The following TMEM260 variants were observed in gnomAD, a reference collection of about 807,000 sequenced individuals.
The protein encoded by TMEM260 is protein O-mannosyl-transferase TMEM260.
TMEM260 carries 82 observed loss-of-function variants against 88.9 expected under a neutral mutation model. The observed-to-expected ratio is 0.92, with a 90% CI of 0.77 to 1.11. The LOEUF (loss-of-function observed/expected upper bound fraction) is 1.11. Ranked by LOEUF, TMEM260 falls within the 50% of genes least tolerant of loss-of-function variation. TMEM260 has a pLI of 0.00. For missense variants in TMEM260, 902 were observed against 853.4 expected (o/e 1.06, Z -0.71); for synonymous variants, 314 against 309.3 (o/e 1.02, Z -0.16).
intron 15 of TMEM260, 80 bp downstream of exon 15, chr14:56,636,678 T>TATCAC: frequency 2.5e-6 from 3 of 1,210,826 alleles, no homozygotes; most frequent in Non-Finnish European, 3.6e-6. Flanking sequence ...ATAGAGGGTA[T>TATCAC]ATCACATTAG....
At chr14:56,610,617 A>G (rs1189329988) in intron 6 of TMEM260, among the ~76,000 whole-genome samples, 1 of 152,184 alleles carries the variant, frequency 6.6e-6, no homozygotes, top group African/African-American at 2.4e-5. Context: ...AAGATGTATT[A>G]TATATGTTTT....
chr14:56,585,707 G>A, intron 2 of TMEM260, 54 bp from the exon 3 acceptor site: 1 of 1,565,326 alleles, frequency 6.4e-7, no homozygotes, highest in Non-Finnish European at 8.7e-7. Context: ...AAGGCCTGTG[G>A]GACTCTTCCT....
chr14:56,596,404 GTGTA>G (rs1301519364), intron 3 of TMEM260, among the ~76,000 whole-genome samples: 16 of 127,072 alleles, frequency 1.3e-4, no homozygotes, highest in African/African-American at 3.7e-4. Flanking sequence ...GTGTGTGTGT[GTGTA>G]TATATATATA....
intron 4 of TMEM260, 52 bp downstream of exon 4, chr14:56,604,044 G>C (rs1351221375): frequency 6.7e-7 from 1 of 1,489,160 alleles, no homozygotes; most frequent in Non-Finnish European, 8.9e-7. Context: ...TTTTTAGACA[G>C]ATGTATTTCT....
chr14:56,600,974 C>T (rs1219757164), intron 3 of TMEM260, among the ~76,000 whole-genome samples: 1 of 152,124 alleles, frequency 6.6e-6, no homozygotes, highest in Non-Finnish European at 1.5e-5. Flanking sequence ...ACATGGATTG[C>T]AACATCATCT....
At chr14:56,662,998 C>T in the TMEM260 span, among the ~76,000 whole-genome samples, 1 of 152,104 alleles carries the variant, frequency 6.6e-6, no homozygotes, top group African/African-American at 2.4e-5. Context: ...CGTGGTGGCA[C>T]ATGCCTGTAA....
the TMEM260 span, among the ~76,000 whole-genome samples, chr14:56,656,744 C>T: frequency 2.0e-5 from 3 of 151,842 alleles, no homozygotes; most frequent in Admixed American, 6.6e-5. Flanking sequence ...AAATAAATTA[C>T]AATGATAATT....
At position 56,618,579 on chromosome 14, in the gene TMEM260, A is replaced by G. The variant is rs748540718; in HGVS notation, c.1057-15A>G. 6 of 1,612,474 alleles carry G rather than the reference A, an allele frequency of 3.7e-6. 1 individual carries two copies. The highest frequency in any genetic ancestry group is 3.3e-5 in the South Asian group (3 of 90,678). On this transcript the variant is annotated splice_polypyrimidine_tract_variant and intron_variant, in intron 9 of 15. Coordinates refer to ENST00000261556, the MANE Select transcript of TMEM260 (RefSeq NM_017799.4). ...ATAGTCAACTGGACCCACTGGTTGC[A>G]TGTCTCTTTCACAGGTGGAACGATT...
Position 56,635,035 on chromosome 14 carries a change from A to AGGGGTGAGTAGTGATAATAAAAAT in TMEM260, c.1778+84_1778+107dup, listed in dbSNP as rs1555340614. 47 of 1,153,282 alleles carry AGGGGTGAGTAGTGATAATAAAAAT rather than the reference A, an allele frequency of 4.1e-5. No individual in the cohort carries two copies. In the African/African-American group the frequency reaches 6.4e-4, roughly 16 times the overall value. The allele number at this position is 1,153,282 out of a possible 1,614,324, so 71.4% of individuals were successfully genotyped here. The stretch of plus-strand genomic sequence containing the variant: ...TTATGGCACTTTTAATTTTGAGAGT[A>AGGGGTGAGTAGTGATAATAAAAAT]GGGGTGAGTAGTGATAATAAAAATA... On this transcript the variant is annotated intron_variant, in intron 14 of 15. Transcript: ENST00000261556.
At chr14:56,635,844 A>AT (rs1566571529) in intron 14 of TMEM260, among the ~76,000 whole-genome samples, 1 of 150,822 alleles carries the variant, frequency 6.6e-6, no homozygotes, top group East Asian at 1.9e-4. Context: ...AATGATTGCA[A>AT]ATATATATAT....
At chr14:56,592,607 A>G (rs1277902389) in intron 3 of TMEM260, among the ~76,000 whole-genome samples, 1 of 152,138 alleles carries the variant, frequency 6.6e-6, no homozygotes, top group African/African-American at 2.4e-5. Context: ...CTTTTATATC[A>G]TTTTCATGAC....
At chr14:56,661,573 G>A in the TMEM260 span, among the ~76,000 whole-genome samples, 1 of 150,452 alleles carries the variant, frequency 6.6e-6, no homozygotes, top group Admixed American at 6.6e-5. Flanking sequence ...AGAGGGAAGG[G>A]AGGAAGGGAG....
chr14:56,584,164 C>T (rs1237003522), intron 1 of TMEM260, among the ~76,000 whole-genome samples: 1 of 152,020 alleles, frequency 6.6e-6, no homozygotes, highest in Non-Finnish European at 1.5e-5. Context: ...GTAGCTGGGA[C>T]AGAAATTAAA....
chr14:56,627,011 G>A (rs927904698), intron 12 of TMEM260, among the ~76,000 whole-genome samples: 2 of 152,040 alleles, frequency 1.3e-5, no homozygotes, highest in East Asian at 3.9e-4. Context: ...TATATCATAA[G>A]CATTTCCCCA....
intron 6 of TMEM260, 110 bp from the exon 7 acceptor site, chr14:56,612,135 A>T (rs1213537525): frequency 7.4e-6 from 8 of 1,078,088 alleles, no homozygotes; most frequent in South Asian, 1.3e-5. Context: ...ACCTAAAATT[A>T]AAAAATTGTT....
intron 5 of TMEM260, among the ~76,000 whole-genome samples, chr14:56,606,492 A>G (rs112576759): frequency 9.8e-5 from 15 of 152,366 alleles, no homozygotes; most frequent in African/African-American, 3.4e-4. Context: ...AAAGCTTTAG[A>G]TAACTATATT....
At chr14:56,645,133 C>G (rs1889868964) in intron 15 of TMEM260, among the ~76,000 whole-genome samples, 1 of 150,942 alleles carries the variant, frequency 6.6e-6, no homozygotes, top group East Asian at 1.9e-4. Context: ...ACCCAGCCAT[C>G]CCATTACTGG....
At chr14:56,590,447 C>T (rs1885780951) in intron 3 of TMEM260, among the ~76,000 whole-genome samples, 1 of 152,124 alleles carries the variant, frequency 6.6e-6, no homozygotes, top group Non-Finnish European at 1.5e-5. Flanking sequence ...AGCGGTGGGC[C>T]GCTTCACCTT....
chr14:56,583,288 T>TA (rs1402070192), intron 1 of TMEM260, among the ~76,000 whole-genome samples: 11 of 152,186 alleles, frequency 7.2e-5, no homozygotes, highest in Non-Finnish European at 1.2e-4. Context: ...ATTTAGGATA[T>TA]AAAATGTGCT....
Sources: allele counts gnomAD v4.1 joint callset (sites outside exome capture counted in the v4.1 genomes callset), GRCh38; gene constraint gnomAD v4.1.1; transcripts MANE v1.5; gene names NCBI Gene and HGNC (gene_info 2026-07-23, HGNC 2026-07-21).